RBM33: variants seen among roughly 807,000 people sequenced by gnomAD.
RBM33 encodes RNA binding motif protein 33.
In RBM33, 28 loss-of-function variants were observed where a neutral mutation model predicts 132.6. The observed-to-expected ratio is 0.21, with a 90% CI of 0.16 to 0.29. The LOEUF is 0.29. Ranked by LOEUF, RBM33 falls within the 10% of genes least tolerant of loss-of-function variation. The pLI is 1.00. For missense variants in RBM33, 1,291 were observed against 1,518.5 expected, an observed-to-expected ratio of 0.85 and a Z score of 2.49; for synonymous variants, 634 against 593.0, an observed-to-expected ratio of 1.07 and a Z score of -1.01.
At chr7:155,766,853 CT>C (rs1802238682) in intron 16 of RBM33, 198 bp downstream of exon 16, 1 of 602,484 alleles carries the variant, frequency 1.7e-6, no homozygotes, top group Non-Finnish European at 2.9e-6. Context: ...TTTTCAGATT[CT>C]TAGTTATAAA....
chr7:155,706,668 A>T, intron 6 of RBM33, 192 bp from the exon 7 acceptor site: 1 of 553,688 alleles, frequency 1.8e-6, no homozygotes. Context: ...GTTCTTATTT[A>T]TCAGATCTCA....
intron 16 of RBM33, among the ~76,000 whole-genome samples, chr7:155,772,449 G>T (rs1184578268): frequency 1.3e-5 from 2 of 152,220 alleles, no homozygotes; most frequent in African/African-American, 4.8e-5. Flanking sequence ...AGGGGTGCAT[G>T]CTGAAATATG....
intron 8 of RBM33, among the ~76,000 whole-genome samples, chr7:155,718,071 G>A (rs1800517681): frequency 6.6e-6 from 1 of 152,110 alleles, no homozygotes; most frequent in Non-Finnish European, 1.5e-5. Flanking sequence ...AGGGATAGGA[G>A]AAACAAACTA....
At chr7:155,686,979 C>T (rs1799497089) in intron 5 of RBM33, among the ~76,000 whole-genome samples, 1 of 152,124 alleles carries the variant, frequency 6.6e-6, no homozygotes, top group African/African-American at 2.4e-5. Flanking sequence ...ATTTATAATC[C>T]TTTGGGTATA....
chr7:155,727,319 T>C (rs1385409337), intron 9 of RBM33, among the ~76,000 whole-genome samples: 1 of 151,978 alleles, frequency 6.6e-6, no homozygotes, highest in Non-Finnish European at 1.5e-5. Flanking sequence ...TCTAGCCAAA[T>C]GTCACCCTCC....
rs756012333 is a variant in RBM33, at chr7:155,745,142, C to G, written c.2519C>G (p.Pro840Arg). 1 of 1,603,854 alleles carries G rather than the reference C, an allele frequency of 6.2e-7. No homozygotes were observed. Among genetic ancestry groups the G allele is most frequent in the African/African-American group, 1.3e-5 (1 of 74,692 alleles). Residue 840 changes from proline to arginine, a missense_variant, in exon 14 of 18, where the codon CCA becomes CGA. By Grantham distance (103) the Pro-to-Arg change is moderately radical. Coordinates refer to ENST00000401878, the MANE Select transcript of RBM33 (RefSeq NM_053043.3). The surrounding 1 kb of genome is among the most constrained non-coding windows in gnomAD (Gnocchi z 4.1). Reference sequence around the variant, plus strand: ...CAGCAGCTGTACGCTCCCCCACCCCCAGCAGAGCAGGAAGAGCAGGCACTG... The same window carrying G: ...CAGCAGCTGTACGCTCCCCCACCCCGAGCAGAGCAGGAAGAGCAGGCACTG... ...QQQQLYAPPP[P>R]AEQEEQALSP...
At chr7:155,684,655 G>T (rs912941956) in intron 5 of RBM33, among the ~76,000 whole-genome samples, 3 of 152,152 alleles carry the variant, frequency 2.0e-5, no homozygotes, top group Admixed American at 6.5e-5. Context: ...CCGTGCTGTT[G>T]ATTTGCAGAG....
intron 2 of RBM33, among the ~76,000 whole-genome samples, chr7:155,669,814 A>C (rs561310320): frequency 6.6e-6 from 1 of 152,248 alleles, no homozygotes; most frequent in Non-Finnish European, 1.5e-5. Context: ...GGGATACTGT[A>C]GTCTCTATTT....
At chr7:155,689,223 T>G (rs939331631) in intron 5 of RBM33, among the ~76,000 whole-genome samples, 2 of 152,214 alleles carry the variant, frequency 1.3e-5, no homozygotes, top group African/African-American at 4.8e-5. Context: ...GTCCAGGAAT[T>G]TATCCATTTC....
At chr7:155,674,825 TG>T (rs1799131254) in intron 3 of RBM33, among the ~76,000 whole-genome samples, 1 of 152,312 alleles carries the variant, frequency 6.6e-6, no homozygotes, top group African/African-American at 2.4e-5. Context: ...GTGTTTACTT[TG>T]GAACAGGAGA....
intron 2 of RBM33, among the ~76,000 whole-genome samples, chr7:155,665,872 G>A (rs1204811885): frequency 6.6e-6 from 1 of 152,106 alleles, no homozygotes; most frequent in Non-Finnish European, 1.5e-5. Context: ...TGGGTGGTGG[G>A]GCTGAGAAAT....
chr7:155,718,912 G>A (rs1300176212), intron 9 of RBM33, among the ~76,000 whole-genome samples: 1 of 151,886 alleles, frequency 6.6e-6, no homozygotes, highest in Admixed American at 6.6e-5. Flanking sequence ...TTAAAATGAA[G>A]GTTTTCACTT....
Position 155,738,129 on chromosome 7 carries a change from C to A in RBM33, c.1463C>A (p.Pro488His). The A allele has an allele frequency of 3.1e-6, 5 of 1,614,000 alleles. No homozygotes were observed. The highest frequency in any genetic ancestry group is 4.2e-6 in the Non-Finnish European group (5 of 1,179,890). The change falls in exon 11 of 18, where the codon CCT (proline) becomes CAT (histidine). Residue 488 changes from proline to histidine, a missense_variant. Coordinates refer to ENST00000401878, the MANE Select transcript of RBM33 (RefSeq NM_053043.3). ...CGAAGTCCCCCTCCACCACCACCGC[C>A]TCCTACCCTTCTTAACAGTAGCCAT... The part of the protein sequence containing the change: ...EQRSPPPPPP[P>H]PTLLNSSHPV...
intron 1 of RBM33, among the ~76,000 whole-genome samples, chr7:155,646,988 A>T (rs766362613): frequency 6.6e-6 from 1 of 152,254 alleles, no homozygotes; most frequent in African/African-American, 2.4e-5. Flanking sequence ...CACGTGATTT[A>T]CCTGTGTAAC....
chr7:155,769,624 G>C (rs771357058), intron 16 of RBM33, among the ~76,000 whole-genome samples: 2 of 152,104 alleles, frequency 1.3e-5, no homozygotes, highest in Non-Finnish European at 2.9e-5. Context: ...TCATCTCGGC[G>C]TCTGACTGAC....
intron 3 of RBM33, among the ~76,000 whole-genome samples, chr7:155,674,151 T>C (rs1033361080): frequency 2.0e-5 from 3 of 151,788 alleles, no homozygotes; most frequent in Admixed American, 2.0e-4. Flanking sequence ...GTTAGTGTGG[T>C]TAGTTAGTTG....
At chr7:155,699,845 A>G (rs560188868) in intron 5 of RBM33, among the ~76,000 whole-genome samples, 2 of 152,312 alleles carry the variant, frequency 1.3e-5, no homozygotes, top group Admixed American at 1.3e-4. Flanking sequence ...TGTTACTTCT[A>G]TTAAGAGTAA....
chr7:155,705,457 G>C (rs1300073105), intron 6 of RBM33, among the ~76,000 whole-genome samples: 2 of 152,076 alleles, frequency 1.3e-5, no homozygotes, highest in African/African-American at 4.8e-5. Context: ...CTTTCAAATG[G>C]GGTCTAGTTT....
At chr7:155,682,241 A>C (rs755357319) in intron 5 of RBM33, among the ~76,000 whole-genome samples, 1 of 151,758 alleles carries the variant, frequency 6.6e-6, no homozygotes, top group African/African-American at 2.4e-5. Flanking sequence ...TTAAGATTTA[A>C]TTTTTTTTGG....
Sources: allele counts gnomAD v4.1 joint callset (sites outside exome capture counted in the v4.1 genomes callset), GRCh38; gene constraint gnomAD v4.1.1; non-coding constraint Gnocchi (gnomAD v3.1); transcripts MANE v1.5; gene names NCBI Gene and HGNC (gene_info 2026-07-23, HGNC 2026-07-21).